The following NSD3 variants were observed in gnomAD, a reference collection of about 807,000 sequenced individuals.
The protein encoded by NSD3 is histone-lysine N-methyltransferase NSD3.
NSD3 carries 24 observed loss-of-function variants against 160.8 expected under a neutral mutation model. The observed-to-expected ratio is 0.15, with a 90% CI of 0.11 to 0.21. The LOEUF (loss-of-function observed/expected upper bound fraction) is 0.21. Among genes scored for constraint, NSD3 ranks in the 10% least tolerant of loss-of-function variants. The probability of loss-of-function intolerance (pLI) is 1.00; values close to 1 mark genes in which losing one functional copy is unlikely to be tolerated. For missense variants in NSD3, 1,157 were observed against 1,735.9 expected (o/e 0.67, Z 5.93); for synonymous variants, 520 against 600.0 (o/e 0.87, Z 1.95).
At chr8:38,315,327 CAT>C in intron 11 of NSD3, 87 bp downstream of exon 11, 1 of 1,362,080 alleles carries the variant, frequency 7.3e-7, no homozygotes, top group Non-Finnish European at 9.6e-7. Context: ...AATTTGGAAA[CAT>C]ATTATCCTCT....
chr8:38,332,832 C>T (rs1381855079), intron 4 of NSD3, among the ~76,000 whole-genome samples: 2 of 151,098 alleles, frequency 1.3e-5, no homozygotes, highest in East Asian at 1.9e-4. Context: ...TGATCTTTTG[C>T]GAAAAATAGT....
intron 8 of NSD3, chr8:38,320,083 A>G (rs1025333998): frequency 6.6e-6 from 1 of 152,218 alleles, no homozygotes; most frequent in Non-Finnish European, 1.5e-5. Flanking sequence ...ATGAAATATG[A>G]AAGTTAATAT....
At chr8:38,327,954 C>A (rs559896790) in intron 6 of NSD3, among the ~76,000 whole-genome samples, 7 of 152,152 alleles carry the variant, frequency 4.6e-5, no homozygotes, top group Admixed American at 4.6e-4. Flanking sequence ...GTAATCTCAA[C>A]ACTTTGGGAG....
In NSD3 at chr8:38,382,194, G is replaced by C. The variant is rs1021973647; in HGVS notation, c.-440C>G. On this transcript the variant is annotated 5_prime_UTR_variant, in exon 1 of 24. Transcript: ENST00000317025. This position sits in a 1 kb window ranked among gnomAD's most constrained non-coding sequence, Gnocchi z 4.2. Reference sequence around the variant, plus strand: ...TTCGCACGCCTCTCCGCGGCGACCTGTGCACAGCCCCCTCGGCCTCCGCCT... The same window carrying C: ...TTCGCACGCCTCTCCGCGGCGACCTCTGCACAGCCCCCTCGGCCTCCGCCT... 90 of 160,546 alleles carry C rather than the reference G, an allele frequency of 5.6e-4. No homozygotes were observed. The highest frequency in any genetic ancestry group is 9.9e-4 in the Non-Finnish European group (74 of 74,426). The allele number at this position is 160,546 out of a possible 1,614,324, so 9.9% of individuals were successfully genotyped here.
At chr8:38,373,230 T>C (rs1334006510) in intron 1 of NSD3, among the ~76,000 whole-genome samples, 1 of 151,870 alleles carries the variant, frequency 6.6e-6, no homozygotes, top group Non-Finnish European at 1.5e-5. Flanking sequence ...TTCACTTCTT[T>C]TTTTTTTTGA....
At chr8:38,287,479 G>A (rs947248389) in intron 19 of NSD3, among the ~76,000 whole-genome samples, 4 of 152,044 alleles carry the variant, frequency 2.6e-5, no homozygotes, top group African/African-American at 7.2e-5. Context: ...TATAGAAAAC[G>A]TTATAAAAGG....
At chr8:38,292,719 G>A (rs1169599434) in intron 16 of NSD3, among the ~76,000 whole-genome samples, 1 of 152,108 alleles carries the variant, frequency 6.6e-6, no homozygotes, top group Non-Finnish European at 1.5e-5. Context: ...AACCCGGGAG[G>A]CAGAGCTTGC....
intron 1 of NSD3, among the ~76,000 whole-genome samples, chr8:38,352,369 G>A (rs1810723694): frequency 6.6e-6 from 1 of 152,072 alleles, no homozygotes; most frequent in South Asian, 2.1e-4. Context: ...TTGGTGGGGG[G>A]TGGGAGGGAT....
chr8:38,293,135 CAAAA>C (rs1005050554), intron 16 of NSD3, among the ~76,000 whole-genome samples: 2 of 68,506 alleles, frequency 2.9e-5, no homozygotes, highest in African/African-American at 6.6e-5. Flanking sequence ...GACTTTGTCT[CAAAA>C]AAAAAAAAAA....
intron 2 of NSD3, among the ~76,000 whole-genome samples, chr8:38,343,974 C>T (rs1810451047): frequency 6.6e-6 from 1 of 152,178 alleles, no homozygotes; most frequent in Non-Finnish European, 1.5e-5. Context: ...CGCTCACATG[C>T]CTGAGGCATT....
At chr8:38,357,118 C>CAAACA (rs1810844268) in intron 1 of NSD3, among the ~76,000 whole-genome samples, 1 of 21,314 alleles carries the variant, frequency 4.7e-5, no homozygotes, top group East Asian at 1.8e-3. Context: ...GACACCATCT[C>CAAACA]AAAAAAAAAA....
chr8:38,315,766 A>C (rs1809646484), intron 10 of NSD3, 146 bp downstream of exon 10: 2 of 1,304,716 alleles, frequency 1.5e-6, no homozygotes, highest in African/African-American at 1.5e-5. Flanking sequence ...ATATAACATG[A>C]GAGCAAAAGA....
At position 38,279,576 on chromosome 8, in the gene NSD3, G is replaced by A. The variant is rs1351115556; in HGVS notation, c.3724C>T (p.Arg1242Ter). 1.2e-6 allele frequency: 2 copies of A among 1,614,114 alleles called. No individual in the cohort carries two copies. The highest frequency in any genetic ancestry group is 1.7e-6 in the Non-Finnish European group (2 of 1,179,986). Residue 1242 changes from arginine (R) to a stop codon, truncating the protein, a stop_gained, in exon 21 of 24, where the codon CGA (arginine) becomes TGA (stop). Coordinates refer to ENST00000317025, the MANE Select transcript of NSD3 (RefSeq NM_023034.2). LOFTEE classifies it high-confidence loss of function. ...TCACAGAGAGCAAATAGTCCCACTC[G>A]AACATCTCCATTCACTGTCCACTTT... is the stretch of plus-strand genomic sequence containing the variant. Reference protein sequence around the residue: ...TQKWTVNGDVRVGLFALCDIP... With the variant: ...TQKWTVNGDV
At position 38,316,953 on chromosome 8, in the gene NSD3, C is replaced by T; in HGVS notation, c.1856-911G>A. On this transcript the variant is annotated intron_variant, in intron 9 of 23. Coordinates refer to ENST00000317025, the MANE Select transcript of NSD3 (RefSeq NM_023034.2). This position sits in a 1 kb window ranked among gnomAD's most constrained non-coding sequence, Gnocchi z 4.5. ...TGTGCAGATCAGGCACGGTGAATAC[C>T]AAGGAACCAAGGAGACGGTTAATAT... 1 of 1,060,808 alleles carries T rather than the reference C, an allele frequency of 9.4e-7. No individual in the cohort carries two copies. The highest frequency in any genetic ancestry group is 5.1e-5 in the East Asian group (1 of 19,484). 65.7% of individuals were successfully genotyped at this position (1,060,808 alleles called of 1,614,324 possible).
chr8:38,273,475 ACCATAG>A lies in NSD3; in HGVS notation c.*2160_*2165del, dbSNP rs1471741291. 24 of 152,208 alleles carry A rather than the reference ACCATAG, an allele frequency of 1.6e-4. No homozygotes were observed. The highest frequency in any genetic ancestry group is 1.6e-3 in the Admixed American group (24 of 15,280). The allele number at this position is 152,208 out of a possible 1,614,324, so 9.4% of individuals were successfully genotyped here. A position where few individuals can be genotyped will look rare whatever the true frequency, so the allele number is the denominator to read the frequency against. ...TAGTATATAGGATGTACCCTGGCTT[ACCATAG>A]AAAAGTCTTTAGATAGTAAATAGCA... On this transcript the variant is annotated 3_prime_UTR_variant, in exon 24 of 24. Transcript: ENST00000317025.
In NSD3 at chr8:38,275,551, A is replaced by G; in HGVS notation, c.*90T>C. 7.8e-7 allele frequency: 1 copy of G among 1,275,628 alleles called. No individual in the cohort carries two copies. The highest frequency in any genetic ancestry group is 1.1e-6 in the Non-Finnish European group (1 of 933,798). 79.0% of individuals were successfully genotyped at this position (1,275,628 alleles called of 1,614,324 possible). The stretch of plus-strand genomic sequence containing the variant: ...TTTAATAAGGCAGTTCCGATGGCAA[A>G]GGCTGTATGCACTGTAGCAGTCTCT... On this transcript the variant is annotated 3_prime_UTR_variant, in exon 24 of 24. Transcript: ENST00000317025.
chr8:38,320,184 C>A (rs1165715649), intron 8 of NSD3: 1 of 151,966 alleles, frequency 6.6e-6, no homozygotes, highest in Non-Finnish European at 1.5e-5. Context: ...CCACAGAGCA[C>A]CCACAAAGTT....
At position 38,329,401 on chromosome 8, in the gene NSD3, C is replaced by G. The variant is rs1418991870; in HGVS notation, c.1558G>C (p.Asp520His). ...ACCTTTGTTGAATAAACAAATTGATCGATAAATTTCCCATCCCCTGTAGCA... is the reference window on the plus strand; with the variant it reads ...ACCTTTGTTGAATAAACAAATTGATGGATAAATTTCCCATCCCCTGTAGCA... Reference protein sequence around the residue: ...QNATGDGKFIDQFVYSTKGIG... With the variant: ...QNATGDGKFIHQFVYSTKGIG... Residue 520 changes from aspartate to histidine, a missense_variant, in exon 6 of 24, where the codon GAT becomes CAT. By Grantham distance (81) the Asp-to-His change is moderately conservative (BLOSUM62 -1). Transcript: ENST00000317025. This position sits in a 1 kb window ranked among gnomAD's most constrained non-coding sequence, Gnocchi z 4.8. The G allele has an allele frequency of 1.2e-6, 2 of 1,609,124 alleles. No individual in the cohort carries two copies. Among genetic ancestry groups the G allele is most frequent in the South Asian group, 1.1e-5 (1 of 90,838 alleles).
chr8:38,331,276 A>G (rs1810054831), intron 5 of NSD3, among the ~76,000 whole-genome samples, 155 bp downstream of exon 5: 1 of 152,202 alleles, frequency 6.6e-6, no homozygotes, highest in Non-Finnish European at 1.5e-5. Context: ...TGTACTTACA[A>G]ACTTACTAGT....
Sources: gnomAD v4.1 joint callset for allele counts (sites outside exome capture counted in the v4.1 genomes callset) on GRCh38, gnomAD v4.1.1 for gene constraint, Gnocchi (gnomAD v3.1) non-coding constraint, MANE v1.5 for transcripts, NCBI Gene and HGNC (gene_info 2026-07-23, HGNC 2026-07-21) for gene names.